The following EXOC4 variants were observed in gnomAD, a reference collection of about 807,000 sequenced individuals.
EXOC4 encodes the protein exocyst complex component 4.
Under a neutral mutation model 107.2 loss-of-function variants are expected in EXOC4, and 71 were observed. The observed-to-expected ratio is 0.66, with a 90% confidence interval of 0.55 to 0.81. EXOC4 has a LOEUF of 0.81. EXOC4 is among the 30% of genes least tolerant of loss of function. EXOC4 has a pLI of 0.00. For synonymous variants in EXOC4, 456 were observed against 441.2 expected, an observed-to-expected ratio of 1.03 and a Z score of -0.42; for missense variants, 1,108 against 1,189.6, an observed-to-expected ratio of 0.93 and a Z score of 1.01.
At chr7:133,981,472 A>G (rs374061808) in intron 14 of EXOC4, among the ~76,000 whole-genome samples, 1 of 152,190 alleles carries the variant, frequency 6.6e-6, no homozygotes, top group African/African-American at 2.4e-5. Context: ...TTTAAAGAAG[A>G]CATACATGCA....
intron 4 of EXOC4, among the ~76,000 whole-genome samples, chr7:133,315,856 G>A (rs1400950594): frequency 1.3e-5 from 2 of 152,126 alleles, no homozygotes; most frequent in East Asian, 3.9e-4. Flanking sequence ...TCATATCTTA[G>A]TCATACTCAC....
chr7:134,076,958 A>ATG, the EXOC4 span, among the ~76,000 whole-genome samples: 37 of 148,820 alleles, frequency 2.5e-4, no homozygotes, highest in South Asian at 1.3e-3. Flanking sequence ...GGATCTGCAT[A>ATG]TGTGTGTGTG....
At chr7:133,786,432 A>C (rs999137930) in intron 10 of EXOC4, among the ~76,000 whole-genome samples, 4 of 152,220 alleles carry the variant, frequency 2.6e-5, no homozygotes, top group African/African-American at 9.7e-5. Flanking sequence ...TTCTCTGAGA[A>C]AGGAGACTGG....
intron 10 of EXOC4, chr7:133,727,771 T>G (rs1795246381): frequency 6.6e-6 from 1 of 152,240 alleles, no homozygotes; most frequent in Admixed American, 6.5e-5. Context: ...TACCTCCGGG[T>G]AAATAATTTA....
chr7:133,875,599 G>T (rs1054961904), intron 11 of EXOC4, among the ~76,000 whole-genome samples: 17 of 152,154 alleles, frequency 1.1e-4, no homozygotes, highest in African/African-American at 3.9e-4. Context: ...CTGATGATCA[G>T]GAGGGTCCAG....
At chr7:133,870,326 G>C (rs1381141978) in intron 11 of EXOC4, among the ~76,000 whole-genome samples, 1 of 152,114 alleles carries the variant, frequency 6.6e-6, no homozygotes, top group Admixed American at 6.6e-5. Flanking sequence ...AATCCATTTA[G>C]TGGAAAATTC....
intron 11 of EXOC4, among the ~76,000 whole-genome samples, chr7:133,864,917 A>T (rs1339628637): frequency 6.6e-6 from 1 of 152,126 alleles, no homozygotes; most frequent in Non-Finnish European, 1.5e-5. Context: ...TAGGGATGTT[A>T]TCTTAACTAA....
the EXOC4 span, among the ~76,000 whole-genome samples, chr7:134,078,892 A>AT: frequency 6.6e-6 from 1 of 152,086 alleles, no homozygotes; most frequent in Non-Finnish European, 1.5e-5. Context: ...ATTTTCTTAG[A>AT]TTTTCATTTC....
At chr7:133,498,467 C>T (rs962548517) in intron 9 of EXOC4, among the ~76,000 whole-genome samples, 2 of 152,234 alleles carry the variant, frequency 1.3e-5, no homozygotes, top group Admixed American at 6.5e-5. Flanking sequence ...CACCTGTAGT[C>T]CCAGCTACTC....
chr7:133,582,397 AC>A (rs1446817641), intron 9 of EXOC4, among the ~76,000 whole-genome samples: 1 of 152,178 alleles, frequency 6.6e-6, no homozygotes, highest in Admixed American at 6.5e-5. Flanking sequence ...GCACTTTTAA[AC>A]AATGCTCTTT....
At chr7:133,773,171 T>G (rs1796278938) in intron 10 of EXOC4, among the ~76,000 whole-genome samples, 2 of 152,056 alleles carry the variant, frequency 1.3e-5, no homozygotes, top group South Asian at 4.1e-4. Flanking sequence ...ACCATACTAT[T>G]TTATGGGCCA....
At chr7:133,483,716 G>A (rs762551803) in intron 9 of EXOC4, among the ~76,000 whole-genome samples, 1 of 152,216 alleles carries the variant, frequency 6.6e-6, no homozygotes, top group Non-Finnish European at 1.5e-5. Context: ...ACCAGTTTTT[G>A]TAAAAGTCTG....
At chr7:133,383,663 C>G (rs911190518) in intron 7 of EXOC4, among the ~76,000 whole-genome samples, 3 of 152,110 alleles carry the variant, frequency 2.0e-5, no homozygotes, top group Non-Finnish European at 4.4e-5. Context: ...GAATTCAGGT[C>G]TGAAACTAGG....
At chr7:133,418,065 T>G (rs927564116) in intron 7 of EXOC4, among the ~76,000 whole-genome samples, 1 of 152,218 alleles carries the variant, frequency 6.6e-6, no homozygotes, top group Non-Finnish European at 1.5e-5. Context: ...ATAGCAGATT[T>G]ATTAGTTTCA....
intron 1 of EXOC4, among the ~76,000 whole-genome samples, chr7:133,268,112 A>G (rs77650711): frequency 0.022 from 3,398 of 152,340 alleles, 131 homozygotes; most frequent in African/African-American, 0.077. Context: ...CTCCAGTCCT[A>G]ACAATATCCT....
intron 10 of EXOC4, among the ~76,000 whole-genome samples, chr7:133,654,473 G>A (rs1803238389): frequency 6.6e-6 from 1 of 152,106 alleles, no homozygotes; most frequent in Non-Finnish European, 1.5e-5. Context: ...AATGATATTG[G>A]TACAGGTGGT....
At chr7:134,047,965 A>G (rs1322771990) in intron 17 of EXOC4, among the ~76,000 whole-genome samples, 3 of 152,180 alleles carry the variant, frequency 2.0e-5, no homozygotes, top group African/African-American at 7.2e-5. Flanking sequence ...CTCCCCAGAA[A>G]TTCAGGGATC....
chr7:133,423,570 A>G (rs553588884), intron 7 of EXOC4, among the ~76,000 whole-genome samples: 10 of 152,306 alleles, frequency 6.6e-5, no homozygotes, highest in African/African-American at 2.2e-4. Context: ...TGATTAGCTT[A>G]TTATTATTAT....
intron 7 of EXOC4, among the ~76,000 whole-genome samples, chr7:133,442,909 A>G (rs1462040402): frequency 6.6e-6 from 1 of 152,216 alleles, no homozygotes; most frequent in East Asian, 1.9e-4. Context: ...ATGGGAGTCC[A>G]ATAGGAGGCT....
Sources: allele counts gnomAD v4.1 joint callset (sites outside exome capture counted in the v4.1 genomes callset), GRCh38; gene constraint gnomAD v4.1.1; transcripts MANE v1.5; gene names NCBI Gene and HGNC (gene_info 2026-07-23, HGNC 2026-07-21).